Variants in CHLSN observed in about 807,000 individuals in gnomAD.
CHLSN encodes protein cholesin.
the CHLSN span, among the ~76,000 whole-genome samples, chr7:1,115,032 C>T: frequency 3.3e-5 from 5 of 152,326 alleles, no homozygotes; most frequent in Admixed American, 1.3e-4. Context: ...TTGTGGATAC[C>T]GTGGGCATGT....
the CHLSN span, among the ~76,000 whole-genome samples, chr7:1,008,433 A>G: frequency 6.6e-6 from 1 of 152,176 alleles, no homozygotes; most frequent in Non-Finnish European, 1.5e-5. Flanking sequence ...TTGGAGCAAG[A>G]AAGAGCTCTT....
the CHLSN span, chr7:1,028,769 CT>C: frequency 1.1e-6 from 1 of 884,368 alleles, no homozygotes. Flanking sequence ...CCCATCTCCC[CT>C]AGTCTGCCGC....
At chr7:1,035,805 T>C in the CHLSN span, among the ~76,000 whole-genome samples, 1 of 152,138 alleles carries the variant, frequency 6.6e-6, no homozygotes, top group Non-Finnish European at 1.5e-5. Flanking sequence ...CCACATGAAC[T>C]CAAAATTTAG....
chr7:979,900 G>A, the CHLSN span, among the ~76,000 whole-genome samples: 25,440 of 152,098 alleles, frequency 0.17, 2,521 homozygotes, highest in East Asian at 0.3. Context: ...TCTGGAAACC[G>A]GGTCACTGAG....
At chr7:1,032,775 G>A in the CHLSN span, among the ~76,000 whole-genome samples, 6 of 152,240 alleles carry the variant, frequency 3.9e-5, no homozygotes, top group Non-Finnish European at 8.8e-5. Flanking sequence ...CAATCAGCAG[G>A]TCCCCAAGAG....
chr7:1,083,396 G>A, the CHLSN span, among the ~76,000 whole-genome samples: 4 of 152,104 alleles, frequency 2.6e-5, no homozygotes, highest in African/African-American at 4.8e-5. Context: ...AGGGTGAGGC[G>A]GGTGGATCAC....
the CHLSN span, among the ~76,000 whole-genome samples, chr7:1,062,445 A>G: frequency 1.1e-4 from 17 of 152,212 alleles, no homozygotes; most frequent in South Asian, 2.1e-4. Context: ...TGTCCACCCA[A>G]TCACCCAGGA....
the CHLSN span, among the ~76,000 whole-genome samples, chr7:1,070,940 TGCAC>T: frequency 1.6e-5 from 2 of 125,936 alleles, no homozygotes; most frequent in Admixed American, 8.0e-5. Flanking sequence ...CACGCACACA[TGCAC>T]ACACACACAG....
the CHLSN span, among the ~76,000 whole-genome samples, chr7:1,116,910 T>G: frequency 3.7e-5 from 1 of 27,166 alleles, no homozygotes; most frequent in Non-Finnish European, 5.8e-5. Flanking sequence ...GATGATGACA[T>G]CACTGCAGTT....
the CHLSN span, among the ~76,000 whole-genome samples, chr7:1,135,327 A>G: frequency 6.6e-6 from 1 of 151,894 alleles, no homozygotes; most frequent in East Asian, 1.9e-4. Context: ...GTATATATAT[A>G]GCTATAGTTG....
At chr7:1,115,833 T>C in the CHLSN span, among the ~76,000 whole-genome samples, 1 of 96,876 alleles carries the variant, frequency 1.0e-5, no homozygotes, top group Non-Finnish European at 2.1e-5. Flanking sequence ...TAGGGATGGC[T>C]TCCATCACCG....
At chr7:986,760 T>C in the CHLSN span, 1 of 1,599,564 alleles carries the variant, frequency 6.3e-7, no homozygotes, top group Admixed American at 1.7e-5. Context: ...GGGGACCCCG[T>C]GTGCAGCTAT....
At chr7:1,094,743 C>T in the CHLSN span, among the ~76,000 whole-genome samples, 4 of 152,294 alleles carry the variant, frequency 2.6e-5, no homozygotes, top group South Asian at 8.3e-4. Flanking sequence ...AAACCTCTCT[C>T]CTCCCGTCTG....
At chr7:1,064,426 G>A in the CHLSN span, among the ~76,000 whole-genome samples, 1 of 152,090 alleles carries the variant, frequency 6.6e-6, no homozygotes, top group African/African-American at 2.4e-5. Context: ...GCCCCCAGCA[G>A]GAGACATGGA....
chr7:987,338 T>C, the CHLSN span: 3 of 1,568,598 alleles, frequency 1.9e-6, no homozygotes, highest in Non-Finnish European at 1.7e-6. Flanking sequence ...GGCCCACCCT[T>C]TGCCCCAGGC....
chr7:1,099,152 TCGC>T, the CHLSN span, among the ~76,000 whole-genome samples: 2 of 135,258 alleles, frequency 1.5e-5, no homozygotes, highest in African/African-American at 5.7e-5. Context: ...TTCCGGAGCC[TCGC>T]TGTCGCGTTC....
At chr7:1,029,677 C>T in the CHLSN span, among the ~76,000 whole-genome samples, 1 of 152,216 alleles carries the variant, frequency 6.6e-6, no homozygotes, top group African/African-American at 2.4e-5. Context: ...CCTCTCAAGG[C>T]GTCAGGGTCC....
At chr7:1,136,567 T>C in the CHLSN span, among the ~76,000 whole-genome samples, 3 of 41,492 alleles carry the variant, frequency 7.2e-5, no homozygotes, top group Non-Finnish European at 1.4e-4. Flanking sequence ...TATAAACATA[T>C]AAACATAAAC....
At chr7:990,288 TGGCGCGTGTGCTGGGGGTGGTGTGGTC>T in the CHLSN span, among the ~76,000 whole-genome samples, 1 of 17,224 alleles carries the variant, frequency 5.8e-5, no homozygotes, top group Non-Finnish European at 9.7e-5. Context: ...AGTGTGACAG[TGGCGCGTGTGCTGGGGGTGGTGTGGTC>T]GGCAGTGTGA....
Sources: allele counts gnomAD v4.1 joint callset (sites outside exome capture counted in the v4.1 genomes callset), GRCh38; gene constraint gnomAD v4.1.1; transcripts MANE v1.5; gene names NCBI Gene and HGNC (gene_info 2026-07-23, HGNC 2026-07-21).